The following IMMP2L variants were observed in gnomAD, a reference collection of about 807,000 sequenced individuals.
IMMP2L encodes the protein inner mitochondrial membrane peptidase subunit 2.
IMMP2L carries 18 observed loss-of-function variants against 19.3 expected under a neutral mutation model. That is an observed-to-expected ratio of 0.93 (90% CI 0.64 to 1.38). IMMP2L has a LOEUF of 1.38. Ranked by LOEUF, IMMP2L falls within the 40% of genes most tolerant of loss-of-function variation. IMMP2L has a pLI of 0.00. For missense variants in IMMP2L, 233 were observed against 218.2 expected (o/e 1.07, Z -0.43); for synonymous variants, 76 against 73.0 (o/e 1.04, Z -0.21).
At position 110,721,356 on chromosome 7, in the gene IMMP2L, C is replaced by T. The variant is rs1017183941; in HGVS notation, c.409-57635G>A. Among the ~76,000 whole-genome samples the T allele has an allele frequency of 3.3e-5, 5 of 152,022 alleles. 1 individual carries two copies. Among genetic ancestry groups the T allele is most frequent in the Admixed American group, 1.3e-4 (2 of 15,236 alleles). On this transcript the variant is annotated intron_variant, in intron 5 of 5. Transcript: ENST00000405709. ...CAAATAGTAAGAGCTCAATTAAGGCCGGACATTTTTAATATTATTGTTATT... is the reference window on the plus strand; with the variant it reads ...CAAATAGTAAGAGCTCAATTAAGGCTGGACATTTTTAATATTATTGTTATT...
rs1035948095 is a variant in IMMP2L, at chr7:110,950,700, A to G, written c.305+12800T>C. Reference sequence around the variant, plus strand: ...TACTGACAATGAGGGGTAGAATGATATAGTAATGGTGTGTTATACTTGGAG... The same window carrying G: ...TACTGACAATGAGGGGTAGAATGATGTAGTAATGGTGTGTTATACTTGGAG... On this transcript the variant is annotated intron_variant, in intron 4 of 5. Coordinates refer to ENST00000405709, the MANE Select transcript of IMMP2L (RefSeq NM_032549.4). 5.6e-4 allele frequency among the ~76,000 whole-genome samples: 85 copies of G among 151,620 alleles called. 1 individual carries two copies. The highest frequency in any genetic ancestry group is 2.0e-3 in the African/African-American group (84 of 41,306).
At chr7:110,852,671 A>G (rs1806356752) in intron 5 of IMMP2L, among the ~76,000 whole-genome samples, 2 of 152,026 alleles carry the variant, frequency 1.3e-5, no homozygotes, top group African/African-American at 2.4e-5. Flanking sequence ...ACTATCCTGG[A>G]ATGTCTCCTT....
At chr7:111,464,022 C>T (rs1356490882) in intron 3 of IMMP2L, among the ~76,000 whole-genome samples, 4 of 152,166 alleles carry the variant, frequency 2.6e-5, no homozygotes, top group African/African-American at 9.7e-5. Context: ...CTCCTTCACA[C>T]TTATATCTTA....
intron 3 of IMMP2L, among the ~76,000 whole-genome samples, chr7:111,210,490 C>G (rs1433121681): frequency 6.6e-6 from 1 of 152,158 alleles, no homozygotes; most frequent in African/African-American, 2.4e-5. Flanking sequence ...ACTCTAAGGA[C>G]TACCTGCACT....
At chr7:111,130,819 G>T (rs1801774385) in intron 3 of IMMP2L, among the ~76,000 whole-genome samples, 1 of 152,000 alleles carries the variant, frequency 6.6e-6, no homozygotes, top group Non-Finnish European at 1.5e-5. Context: ...TGGGATTAAG[G>T]TCAGATACCT....
At chr7:111,035,404 A>G (rs888293779) in intron 3 of IMMP2L, among the ~76,000 whole-genome samples, 1 of 152,226 alleles carries the variant, frequency 6.6e-6, no homozygotes, top group Non-Finnish European at 1.5e-5. Context: ...TATGGACAAC[A>G]TAACCTAGTA....
rs1802524765 is a variant in IMMP2L at position 110,816,450 on chromosome 7, G to A, written c.408+70143C>T. ...AGAAGAATGTATATTCTGTTGATTT[G>A]GGGTGGAGAGTTCTGTAGATGTCTA... On this transcript the variant is annotated intron_variant, in intron 5 of 5. Transcript: ENST00000405709. 3.4e-5 allele frequency among the ~76,000 whole-genome samples: 5 copies of A among 146,500 alleles called. No homozygotes were observed. The South Asian group carries it at 1.1e-3, about 31-fold the overall frequency.
At chr7:111,168,297 G>C (rs1323580258) in intron 3 of IMMP2L, among the ~76,000 whole-genome samples, 1 of 150,586 alleles carries the variant, frequency 6.6e-6, no homozygotes, top group Non-Finnish European at 1.5e-5. Flanking sequence ...TTTTTCTACA[G>C]ACCTGAACCT....
intron 3 of IMMP2L, among the ~76,000 whole-genome samples, chr7:111,130,804 A>G (rs1331766751): frequency 6.6e-6 from 1 of 152,132 alleles, no homozygotes; most frequent in African/African-American, 2.4e-5. Context: ...ATTCATTATC[A>G]GAACTGGGAT....
At chr7:111,388,757 A>C (rs1434174801) in intron 3 of IMMP2L, among the ~76,000 whole-genome samples, 1 of 152,060 alleles carries the variant, frequency 6.6e-6, no homozygotes, top group Admixed American at 6.6e-5. Flanking sequence ...CGAGAATAGC[A>C]CAGGAAAGAC....
chr7:111,196,342 C>G (rs2129614278), intron 3 of IMMP2L, among the ~76,000 whole-genome samples: 1 of 152,226 alleles, frequency 6.6e-6, no homozygotes, highest in Admixed American at 6.5e-5. Flanking sequence ...ATCGGGTCAT[C>G]ATTTCCAGAA....
chr7:110,727,126 G>A lies in IMMP2L; in HGVS notation c.409-63405C>T, dbSNP rs553546685. ...GTCCAGGCTGGGTGCAATGGCTCACGCCTATAATTCCAGAACTTTGAGAGG... is the reference window on the plus strand; with the variant it reads ...GTCCAGGCTGGGTGCAATGGCTCACACCTATAATTCCAGAACTTTGAGAGG... On this transcript the variant is annotated intron_variant, in intron 5 of 5. Coordinates refer to ENST00000405709, the MANE Select transcript of IMMP2L (RefSeq NM_032549.4). This position sits in a 1 kb window ranked among gnomAD's most constrained non-coding sequence, Gnocchi z 4.3. Among the ~76,000 whole-genome samples the A allele has an allele frequency of 3.3e-5, 5 of 152,304 alleles. No homozygotes were observed. In the South Asian group the frequency reaches 6.2e-4, roughly 19 times the overall value.
At chr7:111,460,916 C>A (rs1324688045) in intron 3 of IMMP2L, among the ~76,000 whole-genome samples, 1 of 152,042 alleles carries the variant, frequency 6.6e-6, no homozygotes, top group Non-Finnish European at 1.5e-5. Context: ...ATAGTTCCTT[C>A]TCATATTTTT....
At chr7:111,028,109 T>C (rs926721671) in intron 3 of IMMP2L, among the ~76,000 whole-genome samples, 15 of 152,072 alleles carry the variant, frequency 9.9e-5, no homozygotes, top group Admixed American at 1.3e-4. Context: ...CAAAAACAAA[T>C]GGAAGAAATA....
intron 3 of IMMP2L, among the ~76,000 whole-genome samples, chr7:111,354,749 ATTGGAAAGAATATT>A (rs900517125): frequency 6.4e-4 from 98 of 151,970 alleles, no homozygotes; most frequent in African/African-American, 2.1e-3. Flanking sequence ...TGGAAGACTT[ATTGGAAAGAATATT>A]TTTTAACAAT....
chr7:111,076,408 A>G (rs1183754964), intron 3 of IMMP2L, among the ~76,000 whole-genome samples: 1 of 152,094 alleles, frequency 6.6e-6, no homozygotes, highest in African/African-American at 2.4e-5. Flanking sequence ...GGAGGTTTGG[A>G]TGGTTGATTG....
chr7:111,258,279 G>A lies in IMMP2L; in HGVS notation c.239+228959C>T, dbSNP rs778170027. 1.1e-4 allele frequency among the ~76,000 whole-genome samples: 17 copies of A among 152,072 alleles called. No homozygotes were observed. The East Asian group carries it at 1.2e-3, about 10-fold the overall frequency. On this transcript the variant is annotated intron_variant, in intron 3 of 5. Transcript: ENST00000405709. Reference sequence around the variant, plus strand: ...GTTAACATGTCACCCCTCATGTGTGGGTGATCACAGAGTACAATGTACATA... The same window carrying A: ...GTTAACATGTCACCCCTCATGTGTGAGTGATCACAGAGTACAATGTACATA...
chr7:110,811,562 G>C (rs1308744567), intron 5 of IMMP2L, among the ~76,000 whole-genome samples: 1 of 151,836 alleles, frequency 6.6e-6, no homozygotes, highest in African/African-American at 2.4e-5. Context: ...GACAATTTTT[G>C]GCAGAAGTAT....
chr7:111,223,762 A>G (rs1201285201), intron 3 of IMMP2L, among the ~76,000 whole-genome samples: 1 of 152,042 alleles, frequency 6.6e-6, no homozygotes, highest in Non-Finnish European at 1.5e-5. Context: ...GGGTTGGCTG[A>G]TATTTATTAA....
Sources: allele counts gnomAD v4.1 joint callset (sites outside exome capture counted in the v4.1 genomes callset), GRCh38; gene constraint gnomAD v4.1.1; non-coding constraint Gnocchi (gnomAD v3.1); transcripts MANE v1.5; gene names NCBI Gene and HGNC (gene_info 2026-07-23, HGNC 2026-07-21).